The following WDR33 variants were observed in gnomAD, a reference collection of about 807,000 sequenced individuals.
WDR33 encodes pre-mRNA 3' end processing protein WDR33.
Under a neutral mutation model 164.9 loss-of-function variants are expected in WDR33, and 47 were observed. The ratio of observed to expected loss-of-function variants is 0.29; its 90% CI spans 0.23 to 0.36. The LOEUF (loss-of-function observed/expected upper bound fraction) is 0.36, where lower values mean the gene tolerates loss of function less well. Among genes scored for constraint, WDR33 ranks in the 10% least tolerant of loss-of-function variants. The probability of loss-of-function intolerance (pLI) is 1.00; values close to 1 mark genes in which losing one functional copy is unlikely to be tolerated. For missense variants in WDR33, 1,137 were observed against 1,754.1 expected, an observed-to-expected ratio of 0.65 and a Z score of 6.28; for synonymous variants, 505 against 589.0, an observed-to-expected ratio of 0.86 and a Z score of 2.06.
chr2:127,755,410 G>A (rs1687490050), intron 7 of WDR33, among the ~76,000 whole-genome samples: 1 of 152,176 alleles, frequency 6.6e-6, no homozygotes, highest in Non-Finnish European at 1.5e-5. Flanking sequence ...CACTCATGCA[G>A]CTAAAAAGCC....
chr2:127,719,695 A>G lies in WDR33; in HGVS notation c.2330T>C (p.Met777Thr). The G allele has an allele frequency of 1.2e-6, 2 of 1,613,508 alleles. No individual in the cohort carries two copies. Among genetic ancestry groups the G allele is most frequent in the South Asian group, 1.1e-5 (1 of 91,066 alleles). The change falls in exon 16 of 22, where the codon ATG becomes ACG. Residue 777 changes from methionine to threonine, a missense_variant. This residue lies in a region of WDR33 where 867 missense variants were observed against 1,073.0 expected (regional missense o/e 0.81). Transcript: ENST00000322313. This position sits in a 1 kb window ranked among gnomAD's most constrained non-coding sequence, Gnocchi z 6.5. ...IQGPVSQGPL[M>T]GLNPRGMQGP... ...CTGCATTCCTCTTGGATTCAATCCC[A>G]TCAGAGGTCCCTGAGACACAGGACC... is the stretch of plus-strand genomic sequence containing the variant.
In WDR33 at chr2:127,713,931, CT is replaced by C; in HGVS notation, c.2959del (p.Arg987GlyfsTer294). 6.2e-7 allele frequency: 1 copy of C among 1,605,180 alleles called. No homozygotes were observed. The highest frequency in any genetic ancestry group is 8.5e-7 in the Non-Finnish European group (1 of 1,175,348). ...QSGGPEHGPE[R>X]GPFRGGQDCR... Reference sequence around the variant, plus strand: ...GTCCTGGCCACCCCGGAAAGGCCCCCTCTCGGGCCCATGCTCAGGCCCGCCG... The same window carrying C: ...GTCCTGGCCACCCCGGAAAGGCCCCCCTCGGGCCCATGCTCAGGCCCGCCG... On this transcript the variant is annotated frameshift_variant, in exon 18 of 22. Transcript: ENST00000322313. LOFTEE classifies it high-confidence loss of function. This position sits in a 1 kb window ranked among gnomAD's most constrained non-coding sequence, Gnocchi z 6.2.
intron 7 of WDR33, chr2:127,736,333 T>A (rs960230207): frequency 2.6e-5 from 26 of 985,288 alleles, no homozygotes; most frequent in African/African-American, 1.7e-5. Context: ...TAACCTTTAA[T>A]TTGTAATGTG....
Position 127,702,885 on chromosome 2 carries a change from G to A in WDR33, c.*3438C>T, listed in dbSNP as rs1330942279. On this transcript the variant is annotated 3_prime_UTR_variant, in exon 22 of 22. Coordinates refer to ENST00000322313, the MANE Select transcript of WDR33 (RefSeq NM_018383.5). ...CGCGTAGATGCTTAACGGTCTCTTC[G>A]GAAATCCTGCAAATAGAAAGATAAT... 6.0e-6 allele frequency: 1 copy of A among 166,798 alleles called. No individual in the cohort carries two copies. The highest frequency in any genetic ancestry group is 2.4e-5 in the African/African-American group (1 of 41,442). The allele number at this position is 166,798 out of a possible 1,614,324, so 10.3% of individuals were successfully genotyped here. A position where few individuals can be genotyped will look rare whatever the true frequency, so the allele number is the denominator to read the frequency against.
intron 1 of WDR33, among the ~76,000 whole-genome samples, chr2:127,809,471 T>C (rs1201726889): frequency 7.5e-5 from 11 of 146,476 alleles, no homozygotes; most frequent in Non-Finnish European, 1.6e-4. Flanking sequence ...AGTCTCGCTC[T>C]GTTGCCCAGG....
At chr2:127,754,823 T>C (rs1687475498) in intron 7 of WDR33, among the ~76,000 whole-genome samples, 1 of 152,136 alleles carries the variant, frequency 6.6e-6, no homozygotes, top group Admixed American at 6.5e-5. Context: ...CTATATAAAA[T>C]AAATCAAATC....
intron 1 of WDR33, among the ~76,000 whole-genome samples, chr2:127,776,202 C>T (rs998909968): frequency 3.3e-5 from 5 of 152,068 alleles, no homozygotes; most frequent in African/African-American, 7.2e-5. Flanking sequence ...AAAGAATGAC[C>T]ATGTGAGGAC....
At chr2:127,736,289 G>T in intron 7 of WDR33, 2 of 985,400 alleles carry the variant, frequency 2.0e-6, no homozygotes, top group Non-Finnish European at 2.4e-6. Flanking sequence ...GGGGGAGGAA[G>T]AGGAGACTGG....
rs1345753370 is a variant in WDR33 at position 127,716,235 on chromosome 2, C to T, written c.2869+920G>A. Among the ~76,000 whole-genome samples, 1 of 152,122 alleles carries T rather than the reference C, an allele frequency of 6.6e-6. No homozygotes were observed. The highest frequency in any genetic ancestry group is 1.9e-4 in the East Asian group (1 of 5,192). On this transcript the variant is annotated intron_variant, in intron 17 of 21. Coordinates refer to ENST00000322313, the MANE Select transcript of WDR33 (RefSeq NM_018383.5). The surrounding 1 kb of genome is among the most constrained non-coding windows in gnomAD (Gnocchi z 4.5). ...AGACTGAGCATAAATTCACAAAGTC[C>T]TAGGGCTGTAATGCTGACAAGGACT... is the stretch of plus-strand genomic sequence containing the variant.
rs1023661975 is a variant in WDR33 at position 127,751,045 on chromosome 2, T to A, written c.724+12017A>T. ...ATGGCACATTAAAACCTAAAAACTGTAAAACTAAAAATGTTCTAAAAAATC... is the reference window on the plus strand; with the variant it reads ...ATGGCACATTAAAACCTAAAAACTGAAAAACTAAAAATGTTCTAAAAAATC... On this transcript the variant is annotated intron_variant, in intron 7 of 21. Transcript: ENST00000322313. 5.3e-5 allele frequency among the ~76,000 whole-genome samples: 8 copies of A among 151,818 alleles called. No homozygotes were observed. The East Asian group carries it at 1.6e-3, about 30-fold the overall frequency.
rs1686436044 is a variant in WDR33, at chr2:127,721,416, GTTTTAAAA to G, written c.1671+412_1671+419del. On this transcript the variant is annotated intron_variant, in intron 15 of 21. Coordinates refer to ENST00000322313, the MANE Select transcript of WDR33 (RefSeq NM_018383.5). This position sits in a 1 kb window ranked among gnomAD's most constrained non-coding sequence, Gnocchi z 4.9. ...AGCCACCACGCCTGACCCTAATTGGGTTTTAAAAGTCCAAGATATGACTCAAGGAAGTC... is the reference window on the plus strand; with the variant it reads ...AGCCACCACGCCTGACCCTAATTGGGGTCCAAGATATGACTCAAGGAAGTC... Among the ~76,000 whole-genome samples the G allele has an allele frequency of 6.6e-6, 1 of 152,024 alleles. No homozygotes were observed. Among genetic ancestry groups the G allele is most frequent in the East Asian group, 1.9e-4 (1 of 5,190 alleles).
chr2:127,741,866 C>A lies in WDR33; in HGVS notation c.725-15089G>T, dbSNP rs998096628. On this transcript the variant is annotated intron_variant, in intron 7 of 21. Coordinates refer to ENST00000322313, the MANE Select transcript of WDR33 (RefSeq NM_018383.5). The surrounding 1 kb of genome is among the most constrained non-coding windows in gnomAD (Gnocchi z 4.1). ...CTTGAAAAATGAAAAGATTAGAGAA[C>A]CACTAGAAATTCTTGAAAAGTAAAC... Among the ~76,000 whole-genome samples, 1 of 114,784 alleles carries A rather than the reference C, an allele frequency of 8.7e-6. No individual in the cohort carries two copies. Among genetic ancestry groups the A allele is most frequent in the Admixed American group, 8.8e-5 (1 of 11,324 alleles). 75.3% of individuals were successfully genotyped at this position (114,784 alleles called of 152,430 possible).
In WDR33 at chr2:127,702,156, G is replaced by A; in HGVS notation, c.*4167C>T. 1 of 1,215,170 alleles carries A rather than the reference G, an allele frequency of 8.2e-7. No individual in the cohort carries two copies. Among genetic ancestry groups the A allele is most frequent in the Non-Finnish European group, 1.0e-6 (1 of 977,796 alleles). 75.3% of individuals were successfully genotyped at this position (1,215,170 alleles called of 1,614,324 possible). On this transcript the variant is annotated 3_prime_UTR_variant, in exon 22 of 22. Coordinates refer to ENST00000322313, the MANE Select transcript of WDR33 (RefSeq NM_018383.5). Reference sequence around the variant, plus strand: ...TCGCCTGGGCCGCGGCGCCGGCCTCGCCAAGGTGCTGCCCGTGTGAGGACC... The same window carrying A: ...TCGCCTGGGCCGCGGCGCCGGCCTCACCAAGGTGCTGCCCGTGTGAGGACC...
intron 7 of WDR33, chr2:127,762,734 A>G: frequency 9.4e-7 from 1 of 1,065,054 alleles, no homozygotes; most frequent in Non-Finnish European, 1.1e-6. Context: ...ATCAAACCAC[A>G]GTGTCAATAT....
At chr2:127,775,130 T>A (rs1688145327) in intron 1 of WDR33, among the ~76,000 whole-genome samples, 1 of 152,166 alleles carries the variant, frequency 6.6e-6, no homozygotes, top group Non-Finnish European at 1.5e-5. Context: ...GCTACAACAG[T>A]GAATTCTCTG....
At chr2:127,809,428 C>CTTTTTTTTTT (rs70985478) in intron 1 of WDR33, among the ~76,000 whole-genome samples, 4 of 94,614 alleles carry the variant, frequency 4.2e-5, no homozygotes, top group Non-Finnish European at 5.7e-5. Flanking sequence ...AGCCAAATTC[C>CTTTTTTTTTT]TTTTTTTTTT....
intron 1 of WDR33, among the ~76,000 whole-genome samples, chr2:127,795,236 G>A (rs12615293): frequency 1.3e-5 from 2 of 151,442 alleles, no homozygotes; most frequent in Non-Finnish European, 2.9e-5. Flanking sequence ...GAGTAGCTGA[G>A]ACTACAGGCG....
rs1450250313 is a variant in WDR33 at position 127,763,914 on chromosome 2, G to A, written c.627-755C>T. On this transcript the variant is annotated intron_variant, in intron 6 of 21. Coordinates refer to ENST00000322313, the MANE Select transcript of WDR33 (RefSeq NM_018383.5). The surrounding 1 kb of genome is among the most constrained non-coding windows in gnomAD (Gnocchi z 4.5). ...ACTCAATGTATGGGCATGACACTAA[G>A]GCAAAATCTACAAAGCAGAAGCATG... 1.0e-6 allele frequency: 1 copy of A among 985,550 alleles called. No individual in the cohort carries two copies. Among genetic ancestry groups the A allele is most frequent in the Non-Finnish European group, 1.2e-6 (1 of 830,166 alleles). The allele number at this position is 985,550 out of a possible 1,614,324, so 61.1% of individuals were successfully genotyped here.
chr2:127,805,564 G>A (rs1163231148), intron 1 of WDR33, among the ~76,000 whole-genome samples: 1 of 151,022 alleles, frequency 6.6e-6, no homozygotes, highest in Non-Finnish European at 1.5e-5. Context: ...AAAAAGATGA[G>A]GCTAGCTGTT....
Sources: allele counts gnomAD v4.1 joint callset (sites outside exome capture counted in the v4.1 genomes callset), GRCh38; gene constraint gnomAD v4.1.1; regional missense constraint gnomAD v4.1.1; non-coding constraint Gnocchi (gnomAD v3.1); transcripts MANE v1.5; gene names NCBI Gene and HGNC (gene_info 2026-07-23, HGNC 2026-07-21).